The following GRIA1 variants were observed in gnomAD, a reference collection of about 807,000 sequenced individuals.
The protein encoded by GRIA1 is glutamate receptor 1.
Under a neutral mutation model 99.2 loss-of-function variants are expected in GRIA1, and 31 were observed. The ratio of observed to expected loss-of-function variants is 0.31; its 90% CI spans 0.23 to 0.42. GRIA1 has a LOEUF of 0.42. Ranked by LOEUF, GRIA1 falls within the 10% of genes least tolerant of loss-of-function variation. The probability of loss-of-function intolerance (pLI) is 1.00; values close to 1 mark genes in which losing one functional copy is unlikely to be tolerated. For synonymous variants in GRIA1, 438 were observed against 432.4 expected, an observed-to-expected ratio of 1.01 and a Z score of -0.16; for missense variants, 782 against 1,157.5, an observed-to-expected ratio of 0.68 and a Z score of 4.71.
chr5:153,608,995 T>C (rs1765710559), intron 2 of GRIA1, among the ~76,000 whole-genome samples: 1 of 152,200 alleles, frequency 6.6e-6, no homozygotes, highest in South Asian at 2.1e-4. Context: ...CCTGTCTATT[T>C]CCAGTTCAGC....
At chr5:153,553,444 C>T (rs62384366) in intron 2 of GRIA1, among the ~76,000 whole-genome samples, 70,983 of 152,008 alleles carry the variant, frequency 0.47, 18,311 homozygotes, top group Non-Finnish European at 0.59. Context: ...AGAGGGTTAA[C>T]GGGGAGACTT....
At chr5:153,557,582 C>A (rs909459472) in intron 2 of GRIA1, among the ~76,000 whole-genome samples, 1 of 152,090 alleles carries the variant, frequency 6.6e-6, no homozygotes, top group African/African-American at 2.4e-5. Context: ...TATCCCTATG[C>A]TATAAGCTTT....
chr5:153,491,305 G>A (rs188180606), intron 1 of GRIA1: 1 of 1,222,188 alleles, frequency 8.2e-7, no homozygotes, highest in Non-Finnish European at 1.0e-6. Flanking sequence ...CTATTGCTTG[G>A]TAGATGGTGC....
chr5:153,695,887 A>T (rs1758059547), intron 8 of GRIA1, among the ~76,000 whole-genome samples: 1 of 152,226 alleles, frequency 6.6e-6, no homozygotes, highest in Non-Finnish European at 1.5e-5. Flanking sequence ...GGATGCATTC[A>T]TTCTGTCCAC....
intron 8 of GRIA1, among the ~76,000 whole-genome samples, chr5:153,696,518 T>C (rs1758116021): frequency 1.3e-5 from 2 of 152,188 alleles, no homozygotes; most frequent in African/African-American, 4.8e-5. Flanking sequence ...GCCTCTGACA[T>C]AGCAAGAGCA....
At chr5:153,701,253 A>G (rs1561781635) in intron 10 of GRIA1, among the ~76,000 whole-genome samples, 1 of 152,122 alleles carries the variant, frequency 6.6e-6, no homozygotes, top group Non-Finnish European at 1.5e-5. Context: ...GGAGTTACCT[A>G]TGGGTGCCTC....
At chr5:153,774,834 G>T (rs535490676) in intron 13 of GRIA1, among the ~76,000 whole-genome samples, 7 of 152,240 alleles carry the variant, frequency 4.6e-5, no homozygotes, top group Non-Finnish European at 1.0e-4. Context: ...GTGTTAAAAA[G>T]CTGTGTTAGT....
In GRIA1 at chr5:153,582,165, A is replaced by T. The variant is rs57693417; in HGVS notation, c.221-64763A>T. Among the ~76,000 whole-genome samples the T allele has an allele frequency of 1.5e-4, 23 of 152,342 alleles. No homozygotes were observed. In the East Asian group the frequency reaches 3.3e-3, roughly 22 times the overall value. ...CAATGAATATTTGTTGGAGGAATGA[A>T]TCAATCCTCTCTTTTTACAGAGGGA... is the stretch of plus-strand genomic sequence containing the variant. On this transcript the variant is annotated intron_variant, in intron 2 of 15. Coordinates refer to ENST00000285900, the MANE Select transcript of GRIA1 (RefSeq NM_000827.4).
intron 2 of GRIA1, among the ~76,000 whole-genome samples, chr5:153,619,926 A>C (rs1225865880): frequency 6.6e-6 from 1 of 152,098 alleles, no homozygotes; most frequent in Non-Finnish European, 1.5e-5. Flanking sequence ...ACCCCAGAGC[A>C]CTTACCGCTT....
At chr5:153,779,936 G>A (rs1241622309) in intron 13 of GRIA1, among the ~76,000 whole-genome samples, 3 of 152,182 alleles carry the variant, frequency 2.0e-5, no homozygotes, top group Admixed American at 6.5e-5. Context: ...AGAGGAGGAA[G>A]GTGGTGAAAG....
chr5:153,628,831 T>C (rs1767880796), intron 2 of GRIA1, among the ~76,000 whole-genome samples: 1 of 152,204 alleles, frequency 6.6e-6, no homozygotes, highest in South Asian at 2.1e-4. Flanking sequence ...GGTCCACTCT[T>C]TGTTGTGTGT....
intron 2 of GRIA1, among the ~76,000 whole-genome samples, chr5:153,569,520 TG>T (rs1249993619): frequency 6.6e-6 from 1 of 152,242 alleles, no homozygotes; most frequent in Admixed American, 6.5e-5. Context: ...AGCAGCTGTA[TG>T]GGGCAAAAAG....
intron 11 of GRIA1, among the ~76,000 whole-genome samples, chr5:153,716,772 G>A (rs1249263509): frequency 6.6e-6 from 1 of 152,214 alleles, no homozygotes; most frequent in African/African-American, 2.4e-5. Context: ...AAGGATAAAT[G>A]GGGAGAAAAT....
At chr5:153,778,079 T>G (rs531319447) in intron 13 of GRIA1, among the ~76,000 whole-genome samples, 1 of 150,050 alleles carries the variant, frequency 6.7e-6, no homozygotes, top group Non-Finnish European at 1.5e-5. Flanking sequence ...AAGGAGGAAA[T>G]GGGGGGATAA....
At chr5:153,678,119 G>A (rs1756721737) in intron 7 of GRIA1, among the ~76,000 whole-genome samples, 1 of 152,212 alleles carries the variant, frequency 6.6e-6, no homozygotes, top group Non-Finnish European at 1.5e-5. Context: ...AACAAATGGA[G>A]TTGCCTGCCT....
chr5:153,567,870 T>A (rs1761786785), intron 2 of GRIA1, among the ~76,000 whole-genome samples: 1 of 152,078 alleles, frequency 6.6e-6, no homozygotes, highest in African/African-American at 2.4e-5. Flanking sequence ...TGGGGTCAGA[T>A]TATGAAGGAT....
intron 5 of GRIA1, among the ~76,000 whole-genome samples, chr5:153,673,978 G>A (rs1432192549): frequency 2.6e-5 from 4 of 152,234 alleles, no homozygotes; most frequent in African/African-American, 9.6e-5. Flanking sequence ...ACTTGCTGGT[G>A]TCCTTGGGTA....
rs775343320 is a variant in GRIA1, at chr5:153,674,571, C to T, written c.771C>T (p.Asn257=). The T allele has an allele frequency of 6.2e-7, 1 of 1,614,064 alleles. No homozygotes were observed. The highest frequency in any genetic ancestry group is 8.5e-7 in the Non-Finnish European group (1 of 1,179,984). Residue 257 remains asparagine, a synonymous_variant, in exon 6 of 16, where the codon AAC becomes AAT. Transcript: ENST00000285900. ...GANVTGFQLV[N]YTDTIPAKIM... ...ATGTGACAGGTTTCCAGCTGGTGAACTACACAGACACTATTCCGGCCAAGA... is the reference window on the plus strand; with the variant it reads ...ATGTGACAGGTTTCCAGCTGGTGAATTACACAGACACTATTCCGGCCAAGA...
chr5:153,764,599 G>T lies in GRIA1; in HGVS notation c.1989G>T (p.Thr663=). 27 of 1,613,878 alleles carry T rather than the reference G, an allele frequency of 1.7e-5. No individual in the cohort carries two copies. The highest frequency in any genetic ancestry group is 2.3e-5 in the Non-Finnish European group (27 of 1,179,792). ...LAKQTEIAYG[T]LEAGSTKEFF... is the part of the protein sequence containing the mutation. Reference sequence around the variant, plus strand: ...AGCAGACAGAAATTGCCTACGGGACGCTGGAAGCAGGATCTACTAAGGAGT... The same window carrying T: ...AGCAGACAGAAATTGCCTACGGGACTCTGGAAGCAGGATCTACTAAGGAGT... Residue 663 remains threonine, a synonymous_variant, in exon 12 of 16, where the codon ACG becomes ACT. Coordinates refer to ENST00000285900, the MANE Select transcript of GRIA1 (RefSeq NM_000827.4).
Sources: allele counts gnomAD v4.1 joint callset (sites outside exome capture counted in the v4.1 genomes callset), GRCh38; gene constraint gnomAD v4.1.1; transcripts MANE v1.5; gene names NCBI Gene and HGNC (gene_info 2026-07-23, HGNC 2026-07-21).